The following DIAPH2 variants were observed in gnomAD, a reference collection of about 807,000 sequenced individuals.
The protein encoded by DIAPH2 is diaphanous related formin 2.
In DIAPH2, 35 loss-of-function variants were observed where a neutral mutation model predicts 92.7. The ratio of observed to expected loss-of-function variants is 0.38; its 90% CI spans 0.29 to 0.50. The LOEUF (loss-of-function observed/expected upper bound fraction) is 0.50, where lower values mean the gene tolerates loss of function less well. Among genes scored for constraint, DIAPH2 ranks in the 20% least tolerant of loss-of-function variants. The pLI is 0.94. For missense variants in DIAPH2, 701 were observed against 819.5 expected, an observed-to-expected ratio of 0.86 and a Z score of 1.77; for synonymous variants, 301 against 280.4, an observed-to-expected ratio of 1.07 and a Z score of -0.73.
At chrX:97,468,931 T>A (rs1251230406) in intron 26 of DIAPH2, among the ~76,000 whole-genome samples, 1 of 111,680 alleles carries the variant, frequency 9.0e-6, no homozygotes, top group Non-Finnish European at 1.9e-5. Flanking sequence ...GATGATAGCA[T>A]AGACTCTAAT....
chrX:97,372,009 G>A (rs1248064936), intron 24 of DIAPH2, among the ~76,000 whole-genome samples: 3 of 112,461 alleles, frequency 2.7e-5, no homozygotes, highest in Non-Finnish European at 5.6e-5. Context: ...CCTTCCAGAT[G>A]GAGATAAATA....
intron 23 of DIAPH2, among the ~76,000 whole-genome samples, chrX:97,325,567 T>G (rs1188848964): frequency 9.5e-6 from 1 of 105,460 alleles, no homozygotes; most frequent in Non-Finnish European, 1.9e-5. Context: ...TTTTATTTTA[T>G]TTTATTTTAT....
chrX:97,242,911 C>G (rs1455177249), intron 22 of DIAPH2, among the ~76,000 whole-genome samples: 2 of 109,657 alleles, frequency 1.8e-5, no homozygotes, highest in South Asian at 3.9e-4. Context: ...CTCAGCCTCC[C>G]GAGTAGCTGG....
rs2065900163 is a variant in DIAPH2, at chrX:96,967,419, C to CATTT, written c.2050+2215_2050+2216insTATT. 3.8e-5 allele frequency among the ~76,000 whole-genome samples: 4 copies of CATTT among 105,957 alleles called. 1 individual carries two copies. The South Asian group carries it at 1.6e-3, about 42-fold the overall frequency. 92.0% of individuals were successfully genotyped at this position (105,957 alleles called of 115,157 possible). On this transcript the variant is annotated intron_variant, in intron 17 of 26. Coordinates refer to ENST00000324765, the MANE Select transcript of DIAPH2 (RefSeq NM_006729.5). ...TTATTCATTCATTCATTCATTCATT[C>CATTT]ATTCATTTATTCATTTTGAGACAGA...
chrX:97,501,839 G>T (rs1005947680), intron 26 of DIAPH2, among the ~76,000 whole-genome samples: 1 of 111,631 alleles, frequency 9.0e-6, no homozygotes, highest in Non-Finnish European at 1.9e-5. Flanking sequence ...GTCTCACTCT[G>T]TTGCCCAGGC....
intron 25 of DIAPH2, among the ~76,000 whole-genome samples, chrX:97,414,653 CAAAA>C (rs56828730): frequency 2.6e-5 from 1 of 37,766 alleles, no homozygotes. Context: ...GACTCTGTCT[CAAAA>C]AAAAAAAAAA....
rs144835361 is a variant in DIAPH2 at position 96,775,557 on chromosome X, G to A, written c.447+17299G>A. 4.7e-4 allele frequency among the ~76,000 whole-genome samples: 52 copies of A among 111,169 alleles called. 1 individual carries two copies. The East Asian group carries it at 0.013, about 28-fold the overall frequency. ...CATACCAACTAGAAACATCTTGAGT[G>A]TTCACCTGGAGTTTTTCTCCAGTTG... On this transcript the variant is annotated intron_variant, in intron 4 of 26. Transcript: ENST00000324765.
At chrX:96,764,966 C>T (rs1466913431) in intron 4 of DIAPH2, among the ~76,000 whole-genome samples, 2 of 110,991 alleles carry the variant, frequency 1.8e-5, no homozygotes, top group African/African-American at 6.6e-5. Context: ...ATTACCCACA[C>T]TGTTACTTCC....
At chrX:97,408,663 T>C in intron 25 of DIAPH2, among the ~76,000 whole-genome samples, 1 of 112,132 alleles carries the variant, frequency 8.9e-6, no homozygotes, top group Non-Finnish European at 1.9e-5. Context: ...ATTCCTTGAA[T>C]AGATCTGGTG....
intron 24 of DIAPH2, among the ~76,000 whole-genome samples, chrX:97,349,098 A>AT (rs1186232698): frequency 3.8e-5 from 3 of 79,025 alleles, no homozygotes; most frequent in Non-Finnish European, 7.6e-5. Context: ...TTTTTTTTTA[A>AT]TTTTTTTTGA....
intron 1 of DIAPH2, among the ~76,000 whole-genome samples, chrX:96,720,182 A>C (rs1213051660): frequency 9.0e-6 from 1 of 111,624 alleles, no homozygotes; most frequent in African/African-American, 3.2e-5. Context: ...AGCTTCTTTC[A>C]GTTTCCAAAC....
intron 10 of DIAPH2, among the ~76,000 whole-genome samples, chrX:96,933,770 ATTTT>A (rs757624722): frequency 1.3e-5 from 1 of 77,796 alleles, no homozygotes; most frequent in Non-Finnish European, 2.5e-5. Context: ...TGCCCGGCTA[ATTTT>A]TTTTTTTTTT....
At chrX:97,101,251 AT>A (rs769786703) in intron 20 of DIAPH2, among the ~76,000 whole-genome samples, 1,761 of 105,169 alleles carry the variant, frequency 0.017, 50 homozygotes, top group African/African-American at 0.056. Flanking sequence ...CTCTGAAGCC[AT>A]TTTTTTTTTT....
chrX:97,319,200 G>A (rs1297746750), intron 23 of DIAPH2, among the ~76,000 whole-genome samples: 9 of 111,972 alleles, frequency 8.0e-5, no homozygotes, highest in African/African-American at 1.9e-4. Context: ...TCCATTTATC[G>A]CTGATGCTCC....
chrX:97,318,765 A>G (rs1228879850), intron 23 of DIAPH2, among the ~76,000 whole-genome samples: 6 of 110,387 alleles, frequency 5.4e-5, no homozygotes, highest in Non-Finnish European at 1.1e-4. Context: ...GATTACAGGC[A>G]TGAGCCACCA....
intron 4 of DIAPH2, among the ~76,000 whole-genome samples, chrX:96,800,827 G>A (rs962240849): frequency 2.1e-4 from 24 of 112,122 alleles, no homozygotes; most frequent in African/African-American, 7.1e-4. Flanking sequence ...TCTGTCATGG[G>A]TGAAAAAGGA....
intron 23 of DIAPH2, among the ~76,000 whole-genome samples, chrX:97,330,892 A>G (rs1373568391): frequency 4.5e-5 from 5 of 110,933 alleles, no homozygotes; most frequent in Non-Finnish European, 9.5e-5. Context: ...CTTGAAGGAC[A>G]TGTAGATTCT....
intron 5 of DIAPH2, among the ~76,000 whole-genome samples, chrX:96,882,746 C>T (rs1175526508): frequency 9.1e-6 from 1 of 109,331 alleles, no homozygotes; most frequent in Non-Finnish European, 1.9e-5. Context: ...CGCTTGAGTC[C>T]AGGAGTTCGA....
intron 22 of DIAPH2, among the ~76,000 whole-genome samples, chrX:97,239,580 A>G (rs1255664966): frequency 3.7e-5 from 4 of 108,994 alleles, no homozygotes; most frequent in African/African-American, 1.1e-4. Context: ...GAAATGAGAG[A>G]AAAAAAATTA....
Sources: allele counts gnomAD v4.1 joint callset (sites outside exome capture counted in the v4.1 genomes callset), GRCh38; gene constraint gnomAD v4.1.1; transcripts MANE v1.5; gene names NCBI Gene and HGNC (gene_info 2026-07-23, HGNC 2026-07-21).